Variants in RYR2 observed in about 807,000 individuals in gnomAD.
RYR2 encodes the protein cardiac muscle ryanodine receptor-calcium release channel.
RYR2 carries 227 observed loss-of-function variants against 601.1 expected under a neutral mutation model. That is an observed-to-expected ratio of 0.38 (90% CI 0.34 to 0.42). The LOEUF (loss-of-function observed/expected upper bound fraction) is 0.42, where lower values mean the gene tolerates loss of function less well. Ranked by LOEUF, RYR2 falls within the 10% of genes least tolerant of loss-of-function variation. The pLI is 1.00. For missense variants in RYR2, 4,646 were observed against 6,156.5 expected (o/e 0.75, Z 8.21); for synonymous variants, 2,223 against 2,175.1 (o/e 1.02, Z -0.61).
intron 10 of RYR2, among the ~76,000 whole-genome samples, chr1:237,390,068 ATAGTTT>A: frequency 6.6e-6 from 1 of 151,854 alleles, no homozygotes; most frequent in Non-Finnish European, 1.5e-5. Flanking sequence ...AGTCAGAGTG[ATAGTTT>A]AGTAGGGAAC....
chr1:237,601,983 G>T (rs918172976), intron 34 of RYR2, 42 bp from the exon 35 acceptor site: 1 of 1,544,356 alleles, frequency 6.5e-7, no homozygotes, highest in Admixed American at 1.8e-5. Context: ...CCCTTGTCTT[G>T]TTTCATTACT....
chr1:237,808,832 T>G, intron 99 of RYR2, 69 bp from the exon 100 acceptor site: 3 of 1,501,924 alleles, frequency 2.0e-6, no homozygotes, highest in South Asian at 1.1e-5. Flanking sequence ...TCGCCGCCCA[T>G]GTAGATGTCA....
intron 10 of RYR2, among the ~76,000 whole-genome samples, chr1:237,410,955 A>G (rs1446517965): frequency 6.6e-6 from 1 of 152,242 alleles, no homozygotes; most frequent in Non-Finnish European, 1.5e-5. Flanking sequence ...ATGCATACAC[A>G]ATAGAATATT....
At chr1:237,353,656 CTG>C (rs1203079959) in intron 3 of RYR2, among the ~76,000 whole-genome samples, 3 of 151,372 alleles carry the variant, frequency 2.0e-5, no homozygotes, top group Non-Finnish European at 4.4e-5. Context: ...GTTTAAATAA[CTG>C]TTGTTTCTTT....
At chr1:237,080,970 A>G (rs1209205684) in intron 1 of RYR2, among the ~76,000 whole-genome samples, 1 of 21,982 alleles carries the variant, frequency 4.5e-5, no homozygotes, top group African/African-American at 1.8e-4. Context: ...ATGAGTTCAT[A>G]TCCTTTGTAG....
At chr1:237,805,346 C>T (rs367780654) in intron 98 of RYR2, among the ~76,000 whole-genome samples, 8 of 151,866 alleles carry the variant, frequency 5.3e-5, no homozygotes, top group Admixed American at 2.0e-4. Context: ...TTTGGGAGGC[C>T]GAGGCGGGTG....
rs530712815 is a variant in RYR2, at chr1:237,498,794, G to C, written c.2204-1917G>C. Among the ~76,000 whole-genome samples, 236 of 152,274 alleles carry C rather than the reference G, an allele frequency of 1.5e-3. 2 individuals are homozygous for C. Among genetic ancestry groups the C allele is most frequent in the African/African-American group, 5.4e-3 (223 of 41,556 alleles). On this transcript the variant is annotated intron_variant, in intron 20 of 104. Coordinates refer to ENST00000366574, the MANE Select transcript of RYR2 (RefSeq NM_001035.3). ...TAAGAACAACAAAAAAAAATTTAGT[G>C]AATCTGTGGACATGTACCAGAAAGG...
intron 79 of RYR2, 27 bp from the exon 80 acceptor site, chr1:237,742,269 C>T: frequency 1.6e-6 from 2 of 1,283,944 alleles, no homozygotes; most frequent in Non-Finnish European, 2.1e-6. Flanking sequence ...ATTCCTGTCT[C>T]CTTTTTTTTT....
At chr1:237,724,138 C>A (rs1347048493) in intron 74 of RYR2, among the ~76,000 whole-genome samples, 1 of 146,794 alleles carries the variant, frequency 6.8e-6, no homozygotes, top group African/African-American at 2.5e-5. Flanking sequence ...AATAAGATGC[C>A]CTATGCCATC....
rs528515878 is a variant in RYR2, at chr1:237,153,615, G to T, written c.48+111046G>T. 1.3e-4 allele frequency among the ~76,000 whole-genome samples: 19 copies of T among 151,884 alleles called. No individual in the cohort carries two copies. In the South Asian group the frequency reaches 4.0e-3, roughly 32 times the overall value. Reference sequence around the variant, plus strand: ...ATGTGTAGCATTTTTTTTTTGCAGGGATAGTTGTTGAAGGTTATAAACTAT... The same window carrying T: ...ATGTGTAGCATTTTTTTTTTGCAGGTATAGTTGTTGAAGGTTATAAACTAT... On this transcript the variant is annotated intron_variant, in intron 1 of 104. Coordinates refer to ENST00000366574, the MANE Select transcript of RYR2 (RefSeq NM_001035.3).
intron 1 of RYR2, among the ~76,000 whole-genome samples, chr1:237,177,753 T>C (rs897068312): frequency 6.6e-6 from 1 of 152,188 alleles, no homozygotes; most frequent in Admixed American, 6.5e-5. Context: ...CAATCTTGTA[T>C]GTATCCTTCT....
At chr1:237,462,219 A>G (rs1659561541) in intron 16 of RYR2, among the ~76,000 whole-genome samples, 1 of 152,192 alleles carries the variant, frequency 6.6e-6, no homozygotes, top group African/African-American at 2.4e-5. Flanking sequence ...TCCTGGGGTT[A>G]TATGTGAAAT....
At chr1:237,541,213 G>T (rs890179371) in intron 25 of RYR2, among the ~76,000 whole-genome samples, 1 of 152,276 alleles carries the variant, frequency 6.6e-6, no homozygotes, top group South Asian at 2.1e-4. Flanking sequence ...CCAATGTGCC[G>T]TGTTCTTCAT....
Position 237,054,332 on chromosome 1 carries a change from T to TC in RYR2, c.48+11770dup, listed in dbSNP as rs557136372. Among the ~76,000 whole-genome samples the TC allele has an allele frequency of 7.0e-4, 10 of 14,356 alleles. No homozygotes were observed. The East Asian group carries it at 0.012, about 18-fold the overall frequency. 9.4% of individuals were successfully genotyped at this position (14,356 alleles called of 152,430 possible). ...TCTTCTCCCCTCCCCGCCTCCCCCC[T>TC]CCCCCCCTCCCTCCATCTGTCAGGA... On this transcript the variant is annotated intron_variant, in intron 1 of 104. Coordinates refer to ENST00000366574, the MANE Select transcript of RYR2 (RefSeq NM_001035.3).
chr1:237,194,619 A>AGACTCT, intron 1 of RYR2, among the ~76,000 whole-genome samples: 1 of 152,210 alleles, frequency 6.6e-6, no homozygotes, highest in Non-Finnish European at 1.5e-5. Flanking sequence ...CCACCAATGT[A>AGACTCT]GACTCTGACC....
intron 38 of RYR2, among the ~76,000 whole-genome samples, chr1:237,620,256 G>T (rs1454384985): frequency 6.6e-6 from 1 of 152,044 alleles, no homozygotes; most frequent in African/African-American, 2.4e-5. Context: ...GTACCATCTG[G>T]TGCACCGTCA....
intron 101 of RYR2, among the ~76,000 whole-genome samples, chr1:237,825,650 G>T (rs1346707055): frequency 6.6e-6 from 1 of 152,128 alleles, no homozygotes; most frequent in Non-Finnish European, 1.5e-5. Context: ...GGCAACAAAA[G>T]CCAAAACTGA....
chr1:237,660,316 T>C (rs1180909756), intron 55 of RYR2, among the ~76,000 whole-genome samples: 1 of 152,098 alleles, frequency 6.6e-6, no homozygotes, highest in Non-Finnish European at 1.5e-5. Context: ...TCCTTTTTGG[T>C]TTTTATTCCT....
intron 3 of RYR2, among the ~76,000 whole-genome samples, chr1:237,355,001 G>T (rs1163635205): frequency 6.6e-6 from 1 of 152,042 alleles, no homozygotes; most frequent in Non-Finnish European, 1.5e-5. Flanking sequence ...TGCTTTTTAT[G>T]CATATTGCTT....
Sources: gnomAD v4.1 joint callset for allele counts (sites outside exome capture counted in the v4.1 genomes callset) on GRCh38, gnomAD v4.1.1 for gene constraint, MANE v1.5 for transcripts, NCBI Gene and HGNC (gene_info 2026-07-23, HGNC 2026-07-21) for gene names.